Variants in GRIA2 observed in about 807,000 individuals in gnomAD.
GRIA2 encodes glutamate ionotropic receptor AMPA type subunit 2, also known as glutamate receptor 2.
A neutral mutation model predicts 97.3 loss-of-function variants in GRIA2; 14 were observed. That is an observed-to-expected ratio of 0.14 (90% CI 0.10 to 0.23). The LOEUF (loss-of-function observed/expected upper bound fraction) is 0.23, where lower values mean the gene tolerates loss of function less well. Among genes scored for constraint, GRIA2 ranks in the 10% least tolerant of loss-of-function variants. The pLI is 1.00. For missense variants in GRIA2, 558 were observed against 1,069.8 expected (o/e 0.52, Z 6.67); for synonymous variants, 412 against 387.8 (o/e 1.06, Z -0.73).
chr4:157,328,545 AG>A (rs1734909101), intron 6 of GRIA2, among the ~76,000 whole-genome samples: 2 of 152,050 alleles, frequency 1.3e-5, no homozygotes, highest in Non-Finnish European at 2.9e-5. Flanking sequence ...GTGGAGAGTC[AG>A]GGAGAGGGAT....
At chr4:157,352,800 C>G (rs1037499072) in intron 12 of GRIA2, among the ~76,000 whole-genome samples, 3 of 151,274 alleles carry the variant, frequency 2.0e-5, no homozygotes, top group African/African-American at 7.3e-5. Context: ...CACCCATAAT[C>G]CCAGCACTTT....
chr4:157,359,177 G>C (rs561314632), intron 12 of GRIA2, among the ~76,000 whole-genome samples: 1 of 152,184 alleles, frequency 6.6e-6, no homozygotes, highest in South Asian at 2.1e-4. Flanking sequence ...TAAGTTTTAA[G>C]ATAAATATTC....
intron 2 of GRIA2, among the ~76,000 whole-genome samples, chr4:157,281,718 C>G (rs1732606266): frequency 6.6e-6 from 1 of 152,010 alleles, no homozygotes; most frequent in Admixed American, 6.6e-5. Context: ...AAGGTCTTAA[C>G]AAAGGGTTCT....
chr4:157,304,164 A>G (rs574842679), intron 3 of GRIA2, among the ~76,000 whole-genome samples: 2 of 152,340 alleles, frequency 1.3e-5, no homozygotes, highest in Non-Finnish European at 2.9e-5. Context: ...AGTAACATAC[A>G]GTTATTAAAT....
chr4:157,226,681 C>A (rs959267630), intron 2 of GRIA2, among the ~76,000 whole-genome samples: 3 of 151,960 alleles, frequency 2.0e-5, no homozygotes, highest in African/African-American at 7.2e-5. Flanking sequence ...TTTATAGTTA[C>A]AATTATAGAG....
chr4:157,259,314 T>C (rs768527684), intron 2 of GRIA2, among the ~76,000 whole-genome samples: 4 of 152,120 alleles, frequency 2.6e-5, no homozygotes, highest in Admixed American at 1.3e-4. Flanking sequence ...AGCTTCAAAA[T>C]ATGCTCCAGC....
upstream of GRIA2, chr4:157,220,134 G>C (rs760345443): frequency 1.3e-5 from 2 of 152,182 alleles, no homozygotes; most frequent in African/African-American, 2.4e-5. Context: ...GTTTGCTTTC[G>C]GCTGGGTCAG....
intron 2 of GRIA2, among the ~76,000 whole-genome samples, chr4:157,277,126 C>G (rs1249207668): frequency 1.3e-5 from 2 of 151,702 alleles, no homozygotes; most frequent in African/African-American, 4.8e-5. Context: ...TGAACATAGA[C>G]ACAAAAATAA....
intron 12 of GRIA2, among the ~76,000 whole-genome samples, chr4:157,352,295 G>A (rs1736042470): frequency 6.6e-6 from 1 of 152,136 alleles, no homozygotes; most frequent in Admixed American, 6.5e-5. Flanking sequence ...GGGCTAATGA[G>A]CTATGCTAAC....
rs41280451 is a variant in GRIA2, at chr4:157,365,702, A to G, written c.*2271A>G. 2.6e-5 allele frequency: 4 copies of G among 151,972 alleles called. No individual in the cohort carries two copies. Among genetic ancestry groups the G allele is most frequent in the Admixed American group, 6.6e-5 (1 of 15,190 alleles). The allele number at this position is 151,972 out of a possible 1,614,324, so 9.4% of individuals were successfully genotyped here. The stretch of plus-strand genomic sequence containing the variant: ...TTGCTATATAAATATGTCTGTGTGC[A>G]TATAAGTGAAAAGTGGTCAAACAAG... On this transcript the variant is annotated 3_prime_UTR_variant, in exon 16 of 16. Transcript: ENST00000264426.
At chr4:157,304,559 C>A (rs1733755498) in intron 3 of GRIA2, among the ~76,000 whole-genome samples, 1 of 152,114 alleles carries the variant, frequency 6.6e-6, no homozygotes, top group South Asian at 2.1e-4. Context: ...TGTGTACTCC[C>A]TAAATTGTAT....
chr4:157,318,266 T>G (rs1360679339), intron 5 of GRIA2, among the ~76,000 whole-genome samples: 2 of 152,164 alleles, frequency 1.3e-5, no homozygotes, highest in Non-Finnish European at 2.9e-5. Context: ...CCTCTGCATA[T>G]TCCTTTAATT....
At chr4:157,295,720 C>T (rs1733317129) in intron 2 of GRIA2, among the ~76,000 whole-genome samples, 1 of 152,004 alleles carries the variant, frequency 6.6e-6, no homozygotes, top group African/African-American at 2.4e-5. Flanking sequence ...TTCATTTCAT[C>T]ATAAGAAGAG....
intron 2 of GRIA2, among the ~76,000 whole-genome samples, chr4:157,243,362 G>A (rs1340459157): frequency 6.6e-6 from 1 of 152,044 alleles, no homozygotes; most frequent in African/African-American, 2.4e-5. Context: ...GCTCTGAAAT[G>A]TTTATAATTA....
intron 10 of GRIA2, 141 bp downstream of exon 10, chr4:157,336,018 A>G (rs1288437653): frequency 1.0e-5 from 7 of 676,636 alleles, no homozygotes; most frequent in Non-Finnish European, 1.8e-5. Flanking sequence ...TTGATTTGTG[A>G]ACATCTGAAA....
intron 12 of GRIA2, among the ~76,000 whole-genome samples, chr4:157,353,970 CATT>C (rs1369968527): frequency 1.3e-5 from 2 of 151,834 alleles, no homozygotes; most frequent in Non-Finnish European, 2.9e-5. Flanking sequence ...AAAACAGAAA[CATT>C]GTGAGTTTTC....
intron 2 of GRIA2, among the ~76,000 whole-genome samples, chr4:157,264,371 G>A (rs1334821392): frequency 1.3e-5 from 2 of 151,966 alleles, no homozygotes; most frequent in Non-Finnish European, 2.9e-5. Flanking sequence ...TGCATGCCTT[G>A]GCTCATGGCC....
Position 157,363,067 on chromosome 4 carries a change from A to G in GRIA2, c.*3+20A>G. The G allele has an allele frequency of 1.3e-6, 2 of 1,589,718 alleles. No individual in the cohort carries two copies. Among genetic ancestry groups the G allele is most frequent in the Non-Finnish European group, 1.7e-6 (2 of 1,167,780 alleles). ...TAGGGGGTAGGAACGAGGCTCTAATACAAACTTTTTAGTGCACGTTTAGCT... is the reference window on the plus strand; with the variant it reads ...TAGGGGGTAGGAACGAGGCTCTAATGCAAACTTTTTAGTGCACGTTTAGCT... On this transcript the variant is annotated intron_variant, in intron 15 of 15. Transcript: ENST00000264426.
At chr4:157,325,576 T>C (rs1360347045) in intron 6 of GRIA2, among the ~76,000 whole-genome samples, 2 of 152,174 alleles carry the variant, frequency 1.3e-5, no homozygotes, top group Non-Finnish European at 2.9e-5. Context: ...TATTGCCATC[T>C]TAAACTTATA....
Sources: gnomAD v4.1 joint callset for allele counts (sites outside exome capture counted in the v4.1 genomes callset) on GRCh38, gnomAD v4.1.1 for gene constraint, MANE v1.5 for transcripts, NCBI Gene and HGNC (gene_info 2026-07-23, HGNC 2026-07-21) for gene names.